Variants in MBD5 observed in about 807,000 individuals in gnomAD.
The protein encoded by MBD5 is methyl-CpG-binding domain protein 5.
MBD5 carries 13 observed loss-of-function variants against 117.3 expected under a neutral mutation model. The observed-to-expected ratio is 0.11, with a 90% CI of 0.07 to 0.18. The LOEUF (loss-of-function observed/expected upper bound fraction) is 0.18, where lower values mean the gene tolerates loss of function less well. Among genes scored for constraint, MBD5 ranks in the 10% least tolerant of loss-of-function variants. MBD5 has a pLI of 1.00. For synonymous variants in MBD5, 727 were observed against 766.4 expected (o/e 0.95, Z 0.85); for missense variants, 1,879 against 2,093.8 (o/e 0.90, Z 2.00).
intron 1 of MBD5, among the ~76,000 whole-genome samples, chr2:148,051,604 A>AGTGTGT (rs59584574): frequency 0.074 from 10,218 of 139,016 alleles, 481 homozygotes; most frequent in South Asian, 0.16. Context: ...CTGTTTGTTG[A>AGTGTGT]GTGTGTGTGT....
chr2:148,400,176 C>G (rs1704874108), intron 4 of MBD5, among the ~76,000 whole-genome samples: 2 of 151,738 alleles, frequency 1.3e-5, no homozygotes, highest in South Asian at 4.2e-4. Flanking sequence ...ATGTTTTTAT[C>G]TAGTGGAATG....
At chr2:148,484,665 C>G (rs149513068) in intron 9 of MBD5, among the ~76,000 whole-genome samples, 2 of 152,328 alleles carry the variant, frequency 1.3e-5, no homozygotes, top group African/African-American at 4.8e-5. Flanking sequence ...TTCAAGGGAA[C>G]AGACAGCCCC....
At chr2:148,183,257 T>C (rs892146825) in intron 2 of MBD5, among the ~76,000 whole-genome samples, 1 of 152,006 alleles carries the variant, frequency 6.6e-6, no homozygotes, top group Non-Finnish European at 1.5e-5. Context: ...TGTAGTTAAC[T>C]CCAGGAGATT....
At chr2:148,100,631 G>A (rs1356729568) in intron 1 of MBD5, among the ~76,000 whole-genome samples, 2 of 152,174 alleles carry the variant, frequency 1.3e-5, no homozygotes, top group Non-Finnish European at 2.9e-5. Context: ...TGTTTGGCTA[G>A]GGAGCTCAGT....
chr2:148,326,279 G>A (rs1190653639), intron 3 of MBD5, among the ~76,000 whole-genome samples: 1 of 152,128 alleles, frequency 6.6e-6, no homozygotes, highest in African/African-American at 2.4e-5. Context: ...TTTGGAATAG[G>A]TGTGGTGTGG....
At chr2:148,155,356 G>A (rs1274555152) in intron 1 of MBD5, among the ~76,000 whole-genome samples, 1 of 152,202 alleles carries the variant, frequency 6.6e-6, no homozygotes, top group Non-Finnish European at 1.5e-5. Flanking sequence ...GGAAAATGAT[G>A]AGGTAGCCAT....
At chr2:148,115,379 C>T (rs73009203) in intron 1 of MBD5, among the ~76,000 whole-genome samples, 8,031 of 152,110 alleles carry the variant, frequency 0.053, 247 homozygotes, top group African/African-American at 0.078. Flanking sequence ...TGTGTAATTT[C>T]GACAAGCTAA....
At chr2:148,158,819 A>G (rs1413095370) in intron 1 of MBD5, among the ~76,000 whole-genome samples, 6 of 152,176 alleles carry the variant, frequency 3.9e-5, no homozygotes, top group Admixed American at 3.9e-4. Context: ...TCCCGGGTTC[A>G]AGTCATTCTC....
chr2:148,403,027 A>G (rs1704969687), intron 4 of MBD5, among the ~76,000 whole-genome samples: 1 of 152,076 alleles, frequency 6.6e-6, no homozygotes, highest in Admixed American at 6.6e-5. Context: ...TTCTTCTGCA[A>G]TGTCTAATCT....
At chr2:148,387,139 A>C (rs1158612204) in intron 4 of MBD5, among the ~76,000 whole-genome samples, 2 of 152,210 alleles carry the variant, frequency 1.3e-5, no homozygotes, top group Non-Finnish European at 2.9e-5. Flanking sequence ...TCACTCATGA[A>C]CTTTAATACA....
chr2:148,056,851 G>A (rs1016261713), intron 1 of MBD5, among the ~76,000 whole-genome samples: 1 of 151,638 alleles, frequency 6.6e-6, no homozygotes, highest in Non-Finnish European at 1.5e-5. Context: ...ACCTATTAAG[G>A]TTGCTTTTTG....
intron 2 of MBD5, among the ~76,000 whole-genome samples, chr2:148,220,710 G>T (rs1699664774): frequency 6.6e-6 from 1 of 151,794 alleles, no homozygotes; most frequent in Non-Finnish European, 1.5e-5. Context: ...ATGTAAAATG[G>T]GATATTCATC....
chr2:148,502,077 A>G (rs967675508), intron 11 of MBD5, among the ~76,000 whole-genome samples: 1 of 152,222 alleles, frequency 6.6e-6, no homozygotes, highest in African/African-American at 2.4e-5. Context: ...TGATACTTAT[A>G]TCACAGTAGT....
intron 1 of MBD5, among the ~76,000 whole-genome samples, chr2:148,118,277 G>T (rs1469042896): frequency 1.3e-5 from 2 of 152,052 alleles, no homozygotes; most frequent in African/African-American, 4.8e-5. Context: ...GAATTAATTT[G>T]CCATATTAGC....
intron 2 of MBD5, among the ~76,000 whole-genome samples, chr2:148,215,593 C>T (rs75411145): frequency 6.6e-6 from 1 of 151,890 alleles, no homozygotes; most frequent in Non-Finnish European, 1.5e-5. Context: ...ACCATCATAC[C>T]TCACTGCAGC....
chr2:148,491,969 A>G (rs1681539607), intron 11 of MBD5, among the ~76,000 whole-genome samples: 1 of 151,602 alleles, frequency 6.6e-6, no homozygotes, highest in Non-Finnish European at 1.5e-5. Context: ...AGCTTAACTA[A>G]AAAAAAAGAT....
chr2:148,036,785 C>G (rs1694206726), intron 1 of MBD5, among the ~76,000 whole-genome samples: 1 of 151,958 alleles, frequency 6.6e-6, no homozygotes, highest in Non-Finnish European at 1.5e-5. Context: ...AGGTTTTGAA[C>G]AGCACTAGAT....
chr2:148,278,789 C>T (rs1208846448), intron 3 of MBD5, among the ~76,000 whole-genome samples: 1 of 152,114 alleles, frequency 6.6e-6, no homozygotes, highest in Non-Finnish European at 1.5e-5. Flanking sequence ...AATACTCACT[C>T]AGTCCAAGTA....
At chr2:148,243,752 A>G (rs1234731804) in intron 3 of MBD5, 1 of 152,134 alleles carries the variant, frequency 6.6e-6, no homozygotes, top group Non-Finnish European at 1.5e-5. Context: ...GCTCCAGGCT[A>G]GACCTTTTTC....
Sources: gnomAD v4.1 joint callset for allele counts (sites outside exome capture counted in the v4.1 genomes callset) on GRCh38, gnomAD v4.1.1 for gene constraint, MANE v1.5 for transcripts, NCBI Gene and HGNC (gene_info 2026-07-23, HGNC 2026-07-21) for gene names.